IPCEF1: variants seen among roughly 807,000 people sequenced by gnomAD.
IPCEF1 encodes interaction protein for cytohesin exchange factors 1, also known as interactor protein for cytohesin exchange factors 1.
Under a neutral mutation model 50.9 loss-of-function variants are expected in IPCEF1, and 31 were observed. The ratio of observed to expected loss-of-function variants is 0.61; its 90% CI spans 0.46 to 0.82. The LOEUF (loss-of-function observed/expected upper bound fraction) is 0.82. Ranked by LOEUF, IPCEF1 falls within the 40% of genes least tolerant of loss-of-function variation. The pLI is 0.00. For missense variants in IPCEF1, 458 were observed against 514.0 expected, an observed-to-expected ratio of 0.89 and a Z score of 1.05; for synonymous variants, 181 against 192.0, an observed-to-expected ratio of 0.94 and a Z score of 0.47.
Position 154,221,347 on chromosome 6 carries a change from C to A in IPCEF1, c.321-19G>T. On this transcript the variant is annotated intron_variant, in intron 6 of 11. Transcript: ENST00000367220. The stretch of plus-strand genomic sequence containing the variant: ...AAAAGCACTTGAAGGAGGAAAAGCA[C>A]AAACACATAAAAAATTAGTGTTTAT... The A allele has an allele frequency of 6.2e-7, 1 of 1,607,466 alleles. No homozygotes were observed.
rs545123567 is a variant in IPCEF1, at chr6:154,267,657, A to C, written c.-17-1693T>G. On this transcript the variant is annotated intron_variant, in intron 2 of 11. Coordinates refer to ENST00000367220, the MANE Select transcript of IPCEF1 (RefSeq NM_001130700.2). ...AGCTCAGAGAAGACCCATAGTGGGT[A>C]ATTCCTCTCCATAGGCAGGTCGTCC... is the stretch of plus-strand genomic sequence containing the variant. Among the ~76,000 whole-genome samples, 4 of 152,330 alleles carry C rather than the reference A, an allele frequency of 2.6e-5. No homozygotes were observed. The South Asian group carries it at 8.3e-4, about 32-fold the overall frequency.
chr6:154,264,008 C>T (rs9371785), intron 3 of IPCEF1, among the ~76,000 whole-genome samples: 27,749 of 141,922 alleles, frequency 0.2, 3,733 homozygotes, highest in Admixed American at 0.4. Flanking sequence ...GGGGCTGACC[C>T]CCCCCACCTC....
intron 1 of IPCEF1, among the ~76,000 whole-genome samples, chr6:154,352,499 C>T (rs1332105355): frequency 6.6e-6 from 1 of 152,220 alleles, no homozygotes; most frequent in African/African-American, 2.4e-5. Context: ...TGAGTTTAAG[C>T]TGGCTCACTT....
chr6:154,218,093 T>A (rs1023330256), intron 7 of IPCEF1, among the ~76,000 whole-genome samples: 2 of 152,206 alleles, frequency 1.3e-5, no homozygotes, highest in African/African-American at 2.4e-5. Flanking sequence ...GAACTTTTTT[T>A]AAAACATCAT....
intron 1 of IPCEF1, among the ~76,000 whole-genome samples, chr6:154,292,343 G>C (rs1453255424): frequency 6.6e-6 from 1 of 152,158 alleles, no homozygotes; most frequent in Non-Finnish European, 1.5e-5. Context: ...CAATCACTTA[G>C]TAACACTTAG....
chr6:154,233,886 C>G (rs1474737135), intron 5 of IPCEF1, among the ~76,000 whole-genome samples: 1 of 152,164 alleles, frequency 6.6e-6, no homozygotes. Context: ...GAGCTCTCAA[C>G]CAGCAACGAA....
intron 6 of IPCEF1, among the ~76,000 whole-genome samples, chr6:154,221,743 G>A (rs761167411): frequency 3.2e-4 from 49 of 152,114 alleles, no homozygotes; most frequent in Middle Eastern, 3.4e-3. Flanking sequence ...GCATGGTGGC[G>A]GGCACCTCTA....
intron 1 of IPCEF1, among the ~76,000 whole-genome samples, chr6:154,319,722 G>A (rs550786868): frequency 4.6e-5 from 7 of 152,350 alleles, no homozygotes; most frequent in African/African-American, 1.7e-4. Context: ...AAAGCAGCAA[G>A]TGGCTCCGGG....
chr6:154,235,608 G>A lies in IPCEF1; in HGVS notation c.246+10983C>T, dbSNP rs542926740. ...CACAGTCAGTACAACACATAATCTT[G>A]CCTTCCTGCAATGTGAAGTTATCAA... On this transcript the variant is annotated intron_variant, in intron 5 of 11. Coordinates refer to ENST00000367220, the MANE Select transcript of IPCEF1 (RefSeq NM_001130700.2). Among the ~76,000 whole-genome samples, 25 of 150,444 alleles carry A rather than the reference G, an allele frequency of 1.7e-4. No homozygotes were observed. In the South Asian group the frequency reaches 5.3e-3, roughly 32 times the overall value.
At chr6:154,313,086 A>AAAAAAAAC (rs1783125015) in intron 1 of IPCEF1, among the ~76,000 whole-genome samples, 1 of 149,838 alleles carries the variant, frequency 6.7e-6, no homozygotes, top group Non-Finnish European at 1.5e-5. Context: ...AAAAAAAAAA[A>AAAAAAAAC]CATGGCCGGG....
intron 5 of IPCEF1, among the ~76,000 whole-genome samples, chr6:154,242,054 A>G (rs569114275): frequency 3.6e-4 from 55 of 152,348 alleles, no homozygotes; most frequent in African/African-American, 1.0e-3. Context: ...CCCTTGAAAA[A>G]TGGGAATAAT....
At chr6:154,321,561 T>C (rs1268945407) in intron 1 of IPCEF1, among the ~76,000 whole-genome samples, 1 of 151,854 alleles carries the variant, frequency 6.6e-6, no homozygotes, top group Admixed American at 6.6e-5. Context: ...GCAGATCACC[T>C]GAGGTCAGGG....
At chr6:154,277,387 C>T (rs796430552) in intron 2 of IPCEF1, among the ~76,000 whole-genome samples, 19 of 152,288 alleles carry the variant, frequency 1.2e-4, no homozygotes, top group African/African-American at 4.1e-4. Context: ...TCCACATAAG[C>T]GAATGCCGTC....
chr6:154,181,544 T>G (rs1423471442), intron 10 of IPCEF1, among the ~76,000 whole-genome samples: 1 of 152,226 alleles, frequency 6.6e-6, no homozygotes, highest in African/African-American at 2.4e-5. Context: ...TGAAAGTCAG[T>G]GAAGACTATA....
chr6:154,196,718 T>C (rs1399051330), intron 10 of IPCEF1, among the ~76,000 whole-genome samples: 1 of 152,216 alleles, frequency 6.6e-6, no homozygotes, highest in African/African-American at 2.4e-5. Flanking sequence ...AATGAACATG[T>C]CATTAACCCT....
rs576515072 is a variant in IPCEF1, at chr6:154,261,012, A to G, written c.36+4900T>C. On this transcript the variant is annotated intron_variant, in intron 3 of 11. Coordinates refer to ENST00000367220, the MANE Select transcript of IPCEF1 (RefSeq NM_001130700.2). ...TAGTAACTATATTGAAGATTTCCCA[A>G]CACACAATGAGCCAGATTCTAAAGG... Among the ~76,000 whole-genome samples, 9 of 152,182 alleles carry G rather than the reference A, an allele frequency of 5.9e-5. No individual in the cohort carries two copies. In the East Asian group the frequency reaches 1.6e-3, roughly 26 times the overall value.
At chr6:154,275,559 C>G (rs1445063452) in intron 2 of IPCEF1, among the ~76,000 whole-genome samples, 1 of 152,184 alleles carries the variant, frequency 6.6e-6, no homozygotes, top group East Asian at 1.9e-4. Context: ...TTGCATCTCT[C>G]CATTTCTCCA....
At chr6:154,259,606 C>T (rs577719144) in intron 3 of IPCEF1, among the ~76,000 whole-genome samples, 4 of 152,142 alleles carry the variant, frequency 2.6e-5, no homozygotes, top group East Asian at 3.9e-4. Flanking sequence ...GAACCGAGAT[C>T]GCTCCATTGC....
At chr6:154,314,415 G>GA (rs957238408) in intron 1 of IPCEF1, among the ~76,000 whole-genome samples, 117 of 152,060 alleles carry the variant, frequency 7.7e-4, no homozygotes, top group Admixed American at 3.4e-3. Context: ...ATTAAAAATA[G>GA]AAAAAAATGC....
Sources: gnomAD v4.1 joint callset for allele counts (sites outside exome capture counted in the v4.1 genomes callset) on GRCh38, gnomAD v4.1.1 for gene constraint, MANE v1.5 for transcripts, NCBI Gene and HGNC (gene_info 2026-07-23, HGNC 2026-07-21) for gene names.